Variants in GRM8 observed in about 807,000 individuals in gnomAD.
GRM8 encodes metabotropic glutamate receptor 8.
A neutral mutation model predicts 87.2 loss-of-function variants in GRM8; 47 were observed. The observed-to-expected ratio is 0.54, with a 90% CI of 0.43 to 0.69. The LOEUF is 0.69. Ranked by LOEUF, GRM8 falls within the 30% of genes least tolerant of loss-of-function variation. GRM8 has a pLI of 0.00. For missense variants in GRM8, 1,019 were observed against 1,139.2 expected (o/e 0.89, Z 1.52); for synonymous variants, 396 against 404.5 (o/e 0.98, Z 0.25).
At chr7:126,599,534 C>T (rs958998802) in intron 8 of GRM8, among the ~76,000 whole-genome samples, 1 of 152,070 alleles carries the variant, frequency 6.6e-6, no homozygotes, top group African/African-American at 2.4e-5. Context: ...AGAACAGGTT[C>T]CTTGCCTCCA....
At chr7:126,877,973 A>C (rs1167088378) in intron 6 of GRM8, among the ~76,000 whole-genome samples, 1 of 152,254 alleles carries the variant, frequency 6.6e-6, no homozygotes, top group African/African-American at 2.4e-5. Context: ...CGTTAAAGAA[A>C]CTGGGATTTA....
At chr7:126,596,798 A>G (rs527845819) in intron 8 of GRM8, among the ~76,000 whole-genome samples, 8 of 152,276 alleles carry the variant, frequency 5.3e-5, no homozygotes, top group African/African-American at 1.9e-4. Context: ...TAGATTATAT[A>G]AATGTCAATA....
chr7:126,439,279 T>C, intron 10 of GRM8, 111 bp from the exon 11 acceptor site: 1 of 696,500 alleles, frequency 1.4e-6, no homozygotes, highest in Non-Finnish European at 2.6e-6. Flanking sequence ...ATCCAGCTTT[T>C]ACAGCATGTT....
intron 3 of GRM8, among the ~76,000 whole-genome samples, chr7:126,950,372 A>G (rs1462216677): frequency 6.6e-6 from 1 of 152,238 alleles, no homozygotes; most frequent in South Asian, 2.1e-4. Context: ...TCTGTTGTCA[A>G]AAGATACATA....
chr7:126,446,341 G>C lies in GRM8; in HGVS notation c.2462C>G (p.Ser821Cys). Residue 821 changes from serine to cysteine, a missense_variant, in exon 10 of 11, where the codon TCC becomes TGC. Physicochemically the swap from Ser to Cys is moderately radical, Grantham distance 112. Transcript: ENST00000339582. ...AGATACTGAAGCACTTAAACTCATGGAGACAGTAAGTGTTGTTGTCTGGAT... is the reference window on the plus strand; with the variant it reads ...AGATACTGAAGCACTTAAACTCATGCAGACAGTAAGTGTTGTTGTCTGGAT... ...MYIQTTTLTV[S>C]MSLSASVSLG... The C allele has an allele frequency of 1.2e-6, 2 of 1,609,854 alleles. No homozygotes were observed. The highest frequency in any genetic ancestry group is 1.7e-6 in the Non-Finnish European group (2 of 1,177,136).
intron 9 of GRM8, among the ~76,000 whole-genome samples, chr7:126,457,715 T>C (rs1297695809): frequency 6.6e-6 from 1 of 151,084 alleles, no homozygotes; most frequent in Non-Finnish European, 1.5e-5. Context: ...AATCTTGATA[T>C]GATTATTCAT....
chr7:126,474,268 G>GTGTGTATA lies in GRM8; in HGVS notation c.2431-27897_2431-27896insTATACACA, dbSNP rs1554444586. Among the ~76,000 whole-genome samples, 728 of 150,286 alleles carry GTGTGTATA rather than the reference G, an allele frequency of 4.8e-3. 3 individuals are homozygous for GTGTGTATA. Among genetic ancestry groups the GTGTGTATA allele is most frequent in the Middle Eastern group, 0.014 (4 of 288 alleles). On this transcript the variant is annotated intron_variant, in intron 9 of 10. Transcript: ENST00000339582. ...TTTGTGCATGTGTGTGTGTGTGTGTGTATATATATATATATTTGGAGACAG... is the reference window on the plus strand; with the variant it reads ...TTTGTGCATGTGTGTGTGTGTGTGTGTGTGTATATATATATATATATATTTGGAGACAG...
At chr7:126,958,724 C>T (rs17869312) in intron 3 of GRM8, among the ~76,000 whole-genome samples, 4,021 of 152,226 alleles carry the variant, frequency 0.026, 174 homozygotes, top group African/African-American at 0.09. Context: ...CTGAGGCTTC[C>T]GGCTGGCAAA....
At chr7:126,845,051 T>G (rs910384355) in intron 6 of GRM8, among the ~76,000 whole-genome samples, 2 of 152,136 alleles carry the variant, frequency 1.3e-5, no homozygotes, top group Non-Finnish European at 2.9e-5. Context: ...TACCTTACCT[T>G]GCCCCTCTTG....
At chr7:127,187,764 T>A (rs961102276) in intron 2 of GRM8, among the ~76,000 whole-genome samples, 2 of 152,206 alleles carry the variant, frequency 1.3e-5, no homozygotes, top group African/African-American at 4.8e-5. Context: ...ACTCCTTTCA[T>A]CTTTCCACCC....
intron 2 of GRM8, among the ~76,000 whole-genome samples, chr7:127,150,625 G>GA (rs779283449): frequency 1.3e-5 from 2 of 152,000 alleles, no homozygotes; most frequent in African/African-American, 2.4e-5. Context: ...CGGGACAACT[G>GA]AAAAAAACAG....
At chr7:127,021,798 A>G (rs2132222499) in intron 3 of GRM8, among the ~76,000 whole-genome samples, 1 of 152,272 alleles carries the variant, frequency 6.6e-6, no homozygotes, top group Non-Finnish European at 1.5e-5. Flanking sequence ...GACTGAATCC[A>G]ACCATTTTTA....
chr7:127,006,828 C>T (rs954493327), intron 3 of GRM8, among the ~76,000 whole-genome samples: 2 of 151,932 alleles, frequency 1.3e-5, no homozygotes, highest in Admixed American at 1.3e-4. Context: ...ATGATATATA[C>T]GCATCCCCTA....
intron 6 of GRM8, among the ~76,000 whole-genome samples, chr7:126,776,777 T>C (rs944624564): frequency 2.6e-5 from 4 of 152,288 alleles, no homozygotes; most frequent in African/African-American, 9.6e-5. Context: ...CTCTGGCTTT[T>C]GGTTACTTCT....
intron 6 of GRM8, among the ~76,000 whole-genome samples, chr7:126,878,713 G>C (rs1799754095): frequency 6.6e-6 from 1 of 151,762 alleles, no homozygotes; most frequent in African/African-American, 2.4e-5. Context: ...GCAGAGATGG[G>C]ATAGGGTTTC....
At chr7:127,144,476 T>G (rs1828445716) in intron 2 of GRM8, among the ~76,000 whole-genome samples, 2 of 152,070 alleles carry the variant, frequency 1.3e-5, no homozygotes, top group South Asian at 4.1e-4. Context: ...ATATCATTGC[T>G]TTTCAAAACA....
chr7:126,580,068 G>A (rs1795469310), intron 8 of GRM8, among the ~76,000 whole-genome samples: 1 of 151,868 alleles, frequency 6.6e-6, no homozygotes, highest in Non-Finnish European at 1.5e-5. Flanking sequence ...TTAAATACAT[G>A]CCTATTCACT....
intron 2 of GRM8, among the ~76,000 whole-genome samples, chr7:127,164,343 AGT>A (rs1213512116): frequency 6.6e-6 from 1 of 152,124 alleles, no homozygotes; most frequent in African/African-American, 2.4e-5. Flanking sequence ...TCTTTATAGC[AGT>A]GCAAGAACGA....
chr7:126,446,074 T>C, intron 10 of GRM8, 52 bp downstream of exon 10: 1 of 1,604,734 alleles, frequency 6.2e-7, no homozygotes, highest in Non-Finnish European at 8.5e-7. Flanking sequence ...AACGTACATC[T>C]ATTAGGAAGT....
Sources: allele counts gnomAD v4.1 joint callset (sites outside exome capture counted in the v4.1 genomes callset), GRCh38; gene constraint gnomAD v4.1.1; transcripts MANE v1.5; gene names NCBI Gene and HGNC (gene_info 2026-07-23, HGNC 2026-07-21).